IMPDH1: variants seen among roughly 807,000 people sequenced by gnomAD.
IMPDH1 encodes inosine monophosphate dehydrogenase 1.
Under a neutral mutation model 73.5 loss-of-function variants are expected in IMPDH1, and 41 were observed. The ratio of observed to expected loss-of-function variants is 0.56; its 90% CI spans 0.43 to 0.72. IMPDH1 has a LOEUF of 0.72. IMPDH1 is among the 30% of genes least tolerant of loss of function. The probability of loss-of-function intolerance (pLI) is 0.00; values close to 1 mark genes in which losing one functional copy is unlikely to be tolerated. For synonymous variants in IMPDH1, 318 were observed against 334.3 expected (o/e 0.95, Z 0.53); for missense variants, 645 against 824.8 (o/e 0.78, Z 2.67).
chr7:128,400,798 G>A lies in IMPDH1; in HGVS notation c.579+19C>T. The A allele has an allele frequency of 6.2e-7, 1 of 1,611,194 alleles. No individual in the cohort carries two copies. Among genetic ancestry groups the A allele is most frequent in the Admixed American group, 1.7e-5 (1 of 60,028 alleles). The stretch of plus-strand genomic sequence containing the variant: ...GGACTGCCAGGTGGCATCTTGCTGG[G>A]GACAGGCCTGGTACTTGCCTTGACC... On this transcript the variant is annotated intron_variant, in intron 7 of 16. Coordinates refer to ENST00000338791, the MANE Select transcript of IMPDH1 (RefSeq NM_000883.4).
rs1300313010 is a variant in IMPDH1, at chr7:128,405,835, G to A, written c.285C>T (p.Thr95=). 9.7e-6 allele frequency: 15 copies of A among 1,539,256 alleles called. No individual in the cohort carries two copies. Among genetic ancestry groups the A allele is most frequent in the Middle Eastern group, 2.3e-4 (1 of 4,346 alleles). The change falls in exon 4 of 17, where the codon ACC becomes ACT. Residue 95 remains threonine, a synonymous_variant. Transcript: ENST00000338791. ...SMADYLISGG[T]GYVPEDGLTA... ...TGAGCCCATCCTCGGGCACGTAGCC[G>A]GTGCCGCCGCTGATCAGGTAGTCCG...
At chr7:128,401,757 T>A (rs1321791007) in intron 5 of IMPDH1, among the ~76,000 whole-genome samples, 2 of 152,068 alleles carry the variant, frequency 1.3e-5, no homozygotes, top group Non-Finnish European at 2.9e-5. Context: ...AAGAGTCTTT[T>A]AGGCATCCAG....
intron 5 of IMPDH1, among the ~76,000 whole-genome samples, chr7:128,402,539 C>T (rs145549698): frequency 9.7e-4 from 148 of 152,310 alleles, no homozygotes; most frequent in Non-Finnish European, 1.5e-3. Context: ...AGGGAAACAA[C>T]CAGAATCATT....
chr7:128,404,335 G>A (rs1410051429), intron 4 of IMPDH1, among the ~76,000 whole-genome samples: 1 of 152,134 alleles, frequency 6.6e-6, no homozygotes, highest in Non-Finnish European at 1.5e-5. Context: ...ACGGGAAAGG[G>A]GAGGAAAGAG....
chr7:128,405,511 G>T (rs1219378295), intron 4 of IMPDH1, among the ~76,000 whole-genome samples: 4 of 152,188 alleles, frequency 2.6e-5, no homozygotes, highest in Middle Eastern at 3.2e-3. Context: ...CCTCCATGCC[G>T]CTGAGAGGAG....
In IMPDH1 at chr7:128,395,215, G is replaced by A. The variant is rs748430457; in HGVS notation, c.1321C>T (p.Arg441Cys). ...TCGGCTATGATGGGCACACCAAAGC[G>A]CCGGGCATACTCAGCCACCTTGTAC... The part of the protein sequence containing the change: ...AVYKVAEYAR[R>C]FGVPIIADGG... Residue 441 changes from arginine (R) to cysteine (C), a missense_variant, in exon 13 of 17, where the codon CGC becomes TGC. Transcript: ENST00000338791. The A allele has an allele frequency of 1.9e-6, 3 of 1,613,894 alleles. No individual in the cohort carries two copies. Among genetic ancestry groups the A allele is most frequent in the South Asian group, 2.2e-5 (2 of 91,086 alleles).
In IMPDH1 at chr7:128,395,276, T is replaced by C. The variant is rs911939720; in HGVS notation, c.1262-2A>G. On this transcript the variant is annotated splice_acceptor_variant, in intron 12 of 16. Transcript: ENST00000338791. LOFTEE classifies it high-confidence loss of function. ...CCTGGGGCCGACCACAGGCCATCACTGGGGGAGGGTGGGGTGCACAAGGCA... is the reference window on the plus strand; with the variant it reads ...CCTGGGGCCGACCACAGGCCATCACCGGGGGAGGGTGGGGTGCACAAGGCA... The C allele has an allele frequency of 6.2e-7, 1 of 1,612,814 alleles. No homozygotes were observed.
chr7:128,405,854 T>C lies in IMPDH1; in HGVS notation c.266A>G (p.Tyr89Cys). ...DRLRRASMAD[Y>C]LISGGTGYVP... ...GTAGCCGGTGCCGCCGCTGATCAGG[T>C]AGTCCGCCATGCTGCCGCGAGACCC... Residue 89 changes from tyrosine to cysteine, a missense_variant, in exon 4 of 17, where the codon TAC (tyrosine) becomes TGC (cysteine). Physicochemically the swap from Tyr to Cys is radical, Grantham distance 194. Transcript: ENST00000338791. 6.5e-7 allele frequency: 1 copy of C among 1,531,232 alleles called. No individual in the cohort carries two copies. Among genetic ancestry groups the C allele is most frequent in the Non-Finnish European group, 8.8e-7 (1 of 1,140,850 alleles). 94.9% of individuals were successfully genotyped at this position (1,531,232 alleles called of 1,614,324 possible).
At chr7:128,408,005 T>C (rs1170355327) in intron 3 of IMPDH1, among the ~76,000 whole-genome samples, 2 of 151,666 alleles carry the variant, frequency 1.3e-5, no homozygotes, top group Non-Finnish European at 3.0e-5. Context: ...GCTGTGCTTT[T>C]CCAGAGACTC....
chr7:128,397,933 A>G (rs1280988301), intron 10 of IMPDH1, among the ~76,000 whole-genome samples: 4 of 151,780 alleles, frequency 2.6e-5, no homozygotes, highest in African/African-American at 9.7e-5. Context: ...TTCCATCTTT[A>G]TGAACATGTG....
At chr7:128,405,928 GCTGCTGCTGCTA>G in intron 3 of IMPDH1, 63 bp from the exon 4 acceptor site, 1 of 1,431,012 alleles carries the variant, frequency 7.0e-7, no homozygotes, top group Non-Finnish European at 9.2e-7. Context: ...TGCCGCCGCT[GCTGCTGCTGCTA>G]CTGCTGACGC....
At chr7:128,404,589 A>C (rs1237506937) in intron 4 of IMPDH1, among the ~76,000 whole-genome samples, 1 of 152,044 alleles carries the variant, frequency 6.6e-6, no homozygotes, top group Non-Finnish European at 1.5e-5. Flanking sequence ...GCAAAGCAGC[A>C]GGCATCCCTA....
At position 128,400,865 on chromosome 7, in the gene IMPDH1, G is replaced by A; in HGVS notation, c.531C>T (p.His177=). ...CCTGGAACTCTGGGGTGCAGTTGTG[G>A]TGAATGAAACCAATACCTCCCATCA... ...MALMGGIGFI[H]HNCTPEFQAN... is the part of the protein sequence containing the mutation. The change falls in exon 7 of 17, where the codon CAC becomes CAT. Residue 177 remains histidine, a synonymous_variant. Coordinates refer to ENST00000338791, the MANE Select transcript of IMPDH1 (RefSeq NM_000883.4). The A allele has an allele frequency of 1.2e-6, 2 of 1,614,180 alleles. No individual in the cohort carries two copies. The highest frequency in any genetic ancestry group is 1.7e-6 in the Non-Finnish European group (2 of 1,179,992).
At position 128,409,370 on chromosome 7, in the gene IMPDH1, A is replaced by G; in HGVS notation, c.191-18T>C. ...AGATAGTTCTAGGAGGAAACAGCTA[A>G]GGAGGGGTAAGCCAAGTCAGTCGGA... On this transcript the variant is annotated intron_variant, in intron 2 of 16. Transcript: ENST00000338791. 11 of 1,614,204 alleles carry G rather than the reference A, an allele frequency of 6.8e-6. No individual in the cohort carries two copies. Among genetic ancestry groups the G allele is most frequent in the Non-Finnish European group, 9.3e-6 (11 of 1,180,022 alleles).
In IMPDH1 at chr7:128,392,451, G is replaced by A. The variant is rs1455913562; in HGVS notation, c.*556C>T. 6.4e-6 allele frequency: 1 copy of A among 156,394 alleles called. No homozygotes were observed. Among genetic ancestry groups the A allele is most frequent in the African/African-American group, 2.4e-5 (1 of 41,504 alleles). 9.7% of individuals were successfully genotyped at this position (156,394 alleles called of 1,614,324 possible). On this transcript the variant is annotated 3_prime_UTR_variant, in exon 17 of 17. Transcript: ENST00000338791. ...ATGACAGGCAGGCGGCCATGACCAGGGCAGTCTCCTACCCATGGCCAGGGA... is the reference window on the plus strand; with the variant it reads ...ATGACAGGCAGGCGGCCATGACCAGAGCAGTCTCCTACCCATGGCCAGGGA...
intron 3 of IMPDH1, among the ~76,000 whole-genome samples, chr7:128,408,448 C>T (rs1343621003): frequency 6.6e-6 from 1 of 152,148 alleles, no homozygotes; most frequent in Non-Finnish European, 1.5e-5. Flanking sequence ...GAATCCTGTC[C>T]TCTTCCCACA....
At chr7:128,400,605 A>G in intron 7 of IMPDH1, 66 bp from the exon 8 acceptor site, 1 of 1,465,934 alleles carries the variant, frequency 6.8e-7, no homozygotes, top group Non-Finnish European at 9.5e-7. Context: ...GGCTGGCCAC[A>G]GGGAACAGAG....
chr7:128,408,515 C>T (rs2116741722), intron 3 of IMPDH1, among the ~76,000 whole-genome samples: 1 of 151,924 alleles, frequency 6.6e-6, no homozygotes, highest in South Asian at 2.1e-4. Flanking sequence ...AATCTCACTA[C>T]ACCACCTGGC....
In IMPDH1 at chr7:128,400,608, G is replaced by A. The variant is rs72624955; in HGVS notation, c.580-69C>T. On this transcript the variant is annotated intron_variant, in intron 7 of 16. Coordinates refer to ENST00000338791, the MANE Select transcript of IMPDH1 (RefSeq NM_000883.4). ...GGATGATGTCCAGGCTGGCCACAGG[G>A]AACAGAGGATGCAGCTGTGCTGCAG... 2.5e-4 allele frequency: 362 copies of A among 1,463,382 alleles called. 1 individual carries two copies. The African/African-American group carries it at 4.5e-3, about 18-fold the overall frequency. 90.6% of individuals were successfully genotyped at this position (1,463,382 alleles called of 1,614,324 possible).
Sources: gnomAD v4.1 joint callset for allele counts (sites outside exome capture counted in the v4.1 genomes callset) on GRCh38, gnomAD v4.1.1 for gene constraint, MANE v1.5 for transcripts, NCBI Gene and HGNC (gene_info 2026-07-23, HGNC 2026-07-21) for gene names.